The following PRH2 variants were observed in gnomAD, a reference collection of about 807,000 sequenced individuals.
The protein encoded by PRH2 is proline rich protein HaeIII subfamily 2.
A neutral mutation model predicts 22.6 loss-of-function variants in PRH2; 19 were observed. That is an observed-to-expected ratio of 0.84 (90% CI 0.59 to 1.23). The LOEUF (loss-of-function observed/expected upper bound fraction) is 1.23. Among genes scored for constraint, PRH2 ranks in the 50% most tolerant of loss-of-function variants. The probability of loss-of-function intolerance (pLI) is 0.00; values close to 1 mark genes in which losing one functional copy is unlikely to be tolerated. For synonymous variants in PRH2, 45 were observed against 72.0 expected (o/e 0.63, Z 1.90); for missense variants, 109 against 203.0 (o/e 0.54, Z 2.81).
chr12:10,931,191 C>A (rs1348976193), intron 3 of PRH2, 111 bp downstream of exon 3: 30 of 1,536,058 alleles, frequency 2.0e-5, no homozygotes, highest in Middle Eastern at 2.4e-4. Flanking sequence ...TCCTGGAACA[C>A]ATTTCTCATG....
chr12:10,929,633 A>G lies in PRH2; in HGVS notation c.64+296A>G, dbSNP rs1950174316. On this transcript the variant is annotated intron_variant, in intron 1 of 3. Transcript: ENST00000396400. ...GATATGGAGAATGCAAGACAGATTC[A>G]GGGAAGTGCAGCTGTGAAGATCCTA... Among the ~76,000 whole-genome samples the G allele has an allele frequency of 2.0e-5, 3 of 152,192 alleles. No individual in the cohort carries two copies. In the South Asian group the frequency reaches 6.2e-4, roughly 32 times the overall value.
In PRH2 at chr12:10,933,249, T is replaced by A. The variant is rs999981571; in HGVS notation, c.*1042T>A. On this transcript the variant is annotated 3_prime_UTR_variant, in exon 4 of 4. Coordinates refer to ENST00000396400, the MANE Select transcript of PRH2 (RefSeq NM_001110213.1). The stretch of plus-strand genomic sequence containing the variant: ...AATATGGAGTGACTTATATACAAAA[T>A]GACCTTAAAAATATATTAAACTCAT... 4.6e-5 allele frequency among the ~76,000 whole-genome samples: 7 copies of A among 152,160 alleles called. No homozygotes were observed. In the South Asian group the frequency reaches 1.4e-3, roughly 32 times the overall value.
In PRH2 at chr12:10,931,054, C is replaced by T. The variant is rs564137929; in HGVS notation, c.493C>T (p.Pro165Ser). The T allele has an allele frequency of 1.5e-5, 23 of 1,581,544 alleles. No homozygotes were observed. The Admixed American group carries it at 2.2e-4, about 15-fold the overall frequency. The change falls in exon 3 of 4, where the codon CCT becomes TCT. Residue 165 changes from proline (P) to serine (S), a missense_variant. By Grantham distance (74) the Pro-to-Ser change is moderately conservative. Transcript: ENST00000396400. ...ACAAGGACCTCCACAGGGGCAGTCT[C>T]CTCAGTAATCTAGGATTCAATGATA... ...RPQGPPQGQS[P>S]Q
At chr12:10,929,603 G>T (rs961053222) in intron 1 of PRH2, among the ~76,000 whole-genome samples, 2 of 152,132 alleles carry the variant, frequency 1.3e-5, no homozygotes, top group Admixed American at 6.5e-5. Context: ...GGGACTGCTG[G>T]GAAGGATATG....
rs541025471 is a variant in PRH2, at chr12:10,934,608, A to G, written c.*2401A>G. Among the ~76,000 whole-genome samples the G allele has an allele frequency of 9.3e-4, 135 of 144,536 alleles. No homozygotes were observed. Among genetic ancestry groups the G allele is most frequent in the African/African-American group, 3.2e-3 (125 of 39,464 alleles). The allele number at this position is 144,536 out of a possible 152,430, so 94.8% of individuals were successfully genotyped here. The stretch of plus-strand genomic sequence containing the variant: ...ATACTTATTAATTGGATGTGCAGTT[A>G]ATTTCTTCCTTTAAAAAAAAAACTA... On this transcript the variant is annotated 3_prime_UTR_variant, in exon 4 of 4. Coordinates refer to ENST00000396400, the MANE Select transcript of PRH2 (RefSeq NM_001110213.1).
chr12:10,930,327 T>C (rs1267338333), intron 2 of PRH2, 23 bp downstream of exon 2: 1 of 1,605,452 alleles, frequency 6.2e-7, no homozygotes, highest in South Asian at 1.1e-5. Context: ...AAATTCTCAG[T>C]AAACTCTGTC....
rs934710400 is a variant in PRH2, at chr12:10,932,747, A to G, written c.*540A>G. On this transcript the variant is annotated 3_prime_UTR_variant, in exon 4 of 4. Transcript: ENST00000396400. Reference sequence around the variant, plus strand: ...TCACTGATCAGTTCTGTCCCTGCCTATGATTCTTACCATTCTTAAGAAAAC... The same window carrying G: ...TCACTGATCAGTTCTGTCCCTGCCTGTGATTCTTACCATTCTTAAGAAAAC... 8.5e-5 allele frequency among the ~76,000 whole-genome samples: 13 copies of G among 152,270 alleles called. No homozygotes were observed. The highest frequency in any genetic ancestry group is 2.6e-4 in the African/African-American group (11 of 41,562).
At position 10,930,920 on chromosome 12, in the gene PRH2, C is replaced by T. The variant is rs1218085200; in HGVS notation, c.359C>T (p.Pro120Leu). The T allele has an allele frequency of 6.2e-7, 1 of 1,608,136 alleles. No individual in the cohort carries two copies. The highest frequency in any genetic ancestry group is 1.3e-5 in the African/African-American group (1 of 74,460). ...GPPQQGGHPR[P>L]PRGRPQGPPQ... ...CCCCAACAGGGAGGCCATCCCCGTCCTCCTCGAGGAAGGCCACAAGGACCA... is the reference window on the plus strand; with the variant it reads ...CCCCAACAGGGAGGCCATCCCCGTCTTCCTCGAGGAAGGCCACAAGGACCA... The change falls in exon 3 of 4, where the codon CCT becomes CTT. Residue 120 changes from proline (P) to leucine (L), a missense_variant. Physicochemically the swap from Pro to Leu is moderately conservative, Grantham distance 98. This residue lies in a region of PRH2 where 41 missense variants were observed against 93.6 expected (regional missense o/e 0.44). Transcript: ENST00000396400.
intron 3 of PRH2, among the ~76,000 whole-genome samples, chr12:10,931,856 G>C: frequency 6.6e-6 from 1 of 151,476 alleles, no homozygotes; most frequent in South Asian, 2.1e-4. Context: ...GCTATTGTTT[G>C]GTTTTTCCAT....
chr12:10,929,423 G>A, intron 1 of PRH2, 86 bp downstream of exon 1: 3 of 1,531,662 alleles, frequency 2.0e-6, no homozygotes, highest in Non-Finnish European at 1.8e-6. Flanking sequence ...GGGAAGAGAG[G>A]AGGATGAGAA....
At chr12:10,930,087 G>A (rs534463569) in intron 1 of PRH2, among the ~76,000 whole-genome samples, 182 bp from the exon 2 acceptor site, 4 of 152,316 alleles carry the variant, frequency 2.6e-5, no homozygotes, top group East Asian at 1.9e-4. Context: ...GACGCTCAGT[G>A]TAGTAACAAT....
intron 1 of PRH2, 132 bp downstream of exon 1, chr12:10,929,469 CAGA>C (rs1203988543): frequency 1.7e-5 from 19 of 1,095,950 alleles, no homozygotes; most frequent in Non-Finnish European, 2.5e-5. Context: ...TGCCAAGGAT[CAGA>C]AGACCTGTTG....
In PRH2 at chr12:10,933,585, T is replaced by C. The variant is rs1315496428; in HGVS notation, c.*1378T>C. On this transcript the variant is annotated 3_prime_UTR_variant, in exon 4 of 4. Transcript: ENST00000396400. ...AATGTTCATTATTTGTTTTGGATAA[T>C]GAAGTCAGCAGAGGAAAAAAAAATA... Among the ~76,000 whole-genome samples, 5 of 152,028 alleles carry C rather than the reference T, an allele frequency of 3.3e-5. No homozygotes were observed. The highest frequency in any genetic ancestry group is 1.2e-4 in the African/African-American group (5 of 41,414).
rs1474932518 is a variant in PRH2, at chr12:10,933,025, T to C, written c.*818T>C. Among the ~76,000 whole-genome samples, 1 of 152,144 alleles carries C rather than the reference T, an allele frequency of 6.6e-6. No individual in the cohort carries two copies. The highest frequency in any genetic ancestry group is 1.5e-5 in the Non-Finnish European group (1 of 67,992). ...TAAATGAATGAGAAGAAATGATTCATAAATTTTGAACTAACAGTAATAACT... is the reference window on the plus strand; with the variant it reads ...TAAATGAATGAGAAGAAATGATTCACAAATTTTGAACTAACAGTAATAACT... On this transcript the variant is annotated 3_prime_UTR_variant, in exon 4 of 4. Transcript: ENST00000396400.
At chr12:10,930,345 T>A (rs199601444) in intron 2 of PRH2, 41 bp downstream of exon 2, 70 of 1,596,098 alleles carry the variant, frequency 4.4e-5, no homozygotes, top group Non-Finnish European at 5.7e-5. Flanking sequence ...GTCTCCATTT[T>A]TCCCTGAAAA....
intron 2 of PRH2, 91 bp downstream of exon 2, chr12:10,930,395 G>A (rs1950187676): frequency 6.5e-7 from 1 of 1,536,978 alleles, no homozygotes; most frequent in African/African-American, 1.4e-5. Context: ...ATCCTTGTCA[G>A]GAATTGGCTA....
Position 10,932,750 on chromosome 12 carries a change from A to G in PRH2, c.*543A>G, listed in dbSNP as rs1950232211. Among the ~76,000 whole-genome samples, 1 of 152,118 alleles carries G rather than the reference A, an allele frequency of 6.6e-6. No homozygotes were observed. The highest frequency in any genetic ancestry group is 6.5e-5 in the Admixed American group (1 of 15,274). On this transcript the variant is annotated 3_prime_UTR_variant, in exon 4 of 4. Coordinates refer to ENST00000396400, the MANE Select transcript of PRH2 (RefSeq NM_001110213.1). Reference sequence around the variant, plus strand: ...CTGATCAGTTCTGTCCCTGCCTATGATTCTTACCATTCTTAAGAAAACCTG... The same window carrying G: ...CTGATCAGTTCTGTCCCTGCCTATGGTTCTTACCATTCTTAAGAAAACCTG...
At chr12:10,929,922 T>C (rs1417170661) in intron 1 of PRH2, among the ~76,000 whole-genome samples, 1 of 152,184 alleles carries the variant, frequency 6.6e-6, no homozygotes, top group Non-Finnish European at 1.5e-5. Flanking sequence ...TGAGAAAGCT[T>C]GCAAACATAA....
rs754157305 is a variant in PRH2, at chr12:10,929,299, C to G, written c.26C>G (p.Ala9Gly). 1.2e-6 allele frequency: 2 copies of G among 1,614,134 alleles called. No individual in the cohort carries two copies. Among genetic ancestry groups the G allele is most frequent in the Non-Finnish European group, 1.7e-6 (2 of 1,180,024 alleles). MLLILLSV[A>G]LLAFSSAQDL... ...ATGCTTCTGATTCTGCTGTCAGTGG[C>G]CCTGCTGGCCTTCAGCTCAGCTCAG... Residue 9 changes from alanine to glycine, a missense_variant, in exon 1 of 4, where the codon GCC (alanine) becomes GGC (glycine). Around this residue, in one of 4 missense-constraint regions of PRH2, gnomAD observed 54 missense variants for 60.5 expected, o/e 0.89. Coordinates refer to ENST00000396400, the MANE Select transcript of PRH2 (RefSeq NM_001110213.1).
Sources: allele counts gnomAD v4.1 joint callset (sites outside exome capture counted in the v4.1 genomes callset), GRCh38; gene constraint gnomAD v4.1.1; regional missense constraint gnomAD v4.1.1; transcripts MANE v1.5; gene names NCBI Gene and HGNC (gene_info 2026-07-23, HGNC 2026-07-21).